Variants in ARMC3 observed in about 807,000 individuals in gnomAD.
ARMC3 encodes the protein armadillo repeat-containing protein 3.
ARMC3 carries 74 observed loss-of-function variants against 90.3 expected under a neutral mutation model. The observed-to-expected ratio is 0.82, with a 90% CI of 0.68 to 0.99. The LOEUF is 0.99. Ranked by LOEUF, ARMC3 falls within the 50% of genes least tolerant of loss-of-function variation. ARMC3 has a pLI of 0.00. For synonymous variants in ARMC3, 334 were observed against 361.8 expected (o/e 0.92, Z 0.87); for missense variants, 958 against 1,042.8 (o/e 0.92, Z 1.12).
In ARMC3 at chr10:23,003,359, C is replaced by G. The variant is rs780301117; in HGVS notation, c.1676C>G (p.Thr559Ser). 32 of 1,612,574 alleles carry G rather than the reference C, an allele frequency of 2.0e-5. No individual in the cohort carries two copies. The highest frequency in any genetic ancestry group is 2.5e-5 in the Non-Finnish European group (30 of 1,179,388). ...AATCTTTCCCTGAAATACAGCCAGA[C>G]TGGCTATTTGTCATCAAGTAACATA... ...NNNLSLKYSQ[T>S]GYLSSSNIIN... The change falls in exon 13 of 19, where the codon ACT becomes AGT. Residue 559 changes from threonine (T) to serine (S), a missense_variant. By Grantham distance (58) the Thr-to-Ser change is moderately conservative. Coordinates refer to ENST00000298032, the MANE Select transcript of ARMC3 (RefSeq NM_173081.5).
At chr10:22,938,460 G>A (rs773455521) in intron 2 of ARMC3, among the ~76,000 whole-genome samples, 2 of 152,204 alleles carry the variant, frequency 1.3e-5, no homozygotes, top group Admixed American at 6.5e-5. Flanking sequence ...AAATAAGATC[G>A]TTCTAGCTAC....
chr10:22,967,806 T>G (rs1835505111), intron 7 of ARMC3, among the ~76,000 whole-genome samples: 1 of 152,248 alleles, frequency 6.6e-6, no homozygotes, highest in African/African-American at 2.4e-5. Context: ...CATTTCTCAC[T>G]TTTGGGATTT....
chr10:22,998,270 T>C lies in ARMC3; in HGVS notation c.1298T>C (p.Leu433Pro). 2 of 1,612,428 alleles carry C rather than the reference T, an allele frequency of 1.2e-6. No homozygotes were observed. The highest frequency in any genetic ancestry group is 1.7e-6 in the Non-Finnish European group (2 of 1,179,150). The change falls in exon 11 of 19, where the codon CTG becomes CCG. Residue 433 changes from leucine to proline, a missense_variant. Transcript: ENST00000298032. ...TNMAMQEPLRLNIQNHDIMHA... is the reference protein window; with the variant it reads ...TNMAMQEPLRPNIQNHDIMHA... ...ATGGCCATGCAGGAGCCCCTGCGCC[T>C]GAACATACAGAATCACGACATCATG... is the stretch of plus-strand genomic sequence containing the variant.
intron 10 of ARMC3, chr10:22,997,334 C>G (rs907658233): frequency 1.1e-4 from 17 of 152,102 alleles, no homozygotes; most frequent in African/African-American, 3.9e-4. Context: ...GGGAGACTGC[C>G]CGGGAAAACC....
At chr10:22,939,233 C>T (rs1320031233) in intron 2 of ARMC3, among the ~76,000 whole-genome samples, 1 of 152,134 alleles carries the variant, frequency 6.6e-6, no homozygotes, top group Non-Finnish European at 1.5e-5. Flanking sequence ...TAGGTGGCTG[C>T]AGTTTGCAGG....
At chr10:23,014,293 T>C (rs1396071247) in intron 16 of ARMC3, 37 of 1,454,468 alleles carry the variant, frequency 2.5e-5, no homozygotes, top group Non-Finnish European at 3.4e-5. Flanking sequence ...TGCCTGACCA[T>C]CACCTAGCAC....
rs1368154458 is a variant in ARMC3, at chr10:22,964,850, C to T, written c.732+2772C>T. Among the ~76,000 whole-genome samples, 6 of 151,406 alleles carry T rather than the reference C, an allele frequency of 4.0e-5. No homozygotes were observed. In the East Asian group the frequency reaches 5.9e-4, roughly 15 times the overall value. ...AGTGGTTGCTGTAGTGATTACAATACGCAACTTAACTTTAACTTATAATAG... is the reference window on the plus strand; with the variant it reads ...AGTGGTTGCTGTAGTGATTACAATATGCAACTTAACTTTAACTTATAATAG... On this transcript the variant is annotated intron_variant, in intron 7 of 18. Transcript: ENST00000298032.
At chr10:23,004,302 A>C (rs1020694020) in intron 13 of ARMC3, among the ~76,000 whole-genome samples, 5 of 152,198 alleles carry the variant, frequency 3.3e-5, no homozygotes, top group Non-Finnish European at 7.3e-5. Flanking sequence ...GAATGGGGAA[A>C]ATGTTAAAAA....
At chr10:22,942,846 T>C (rs1392286570) in intron 2 of ARMC3, among the ~76,000 whole-genome samples, 2 of 152,194 alleles carry the variant, frequency 1.3e-5, no homozygotes, top group Non-Finnish European at 2.9e-5. Flanking sequence ...ACTGGTATAT[T>C]TATATACTGG....
intron 2 of ARMC3, among the ~76,000 whole-genome samples, chr10:22,940,354 C>A (rs998401446): frequency 3.3e-5 from 5 of 152,294 alleles, no homozygotes; most frequent in African/African-American, 1.2e-4. Flanking sequence ...TACCTATATG[C>A]TGAAAACTAT....
chr10:22,985,585 C>T (rs1396165900), intron 10 of ARMC3, among the ~76,000 whole-genome samples: 1 of 152,112 alleles, frequency 6.6e-6, no homozygotes, highest in African/African-American at 2.4e-5. Flanking sequence ...GGCCTGATGC[C>T]TCTTTGGTAT....
In ARMC3 at chr10:23,030,460, C is replaced by A. The variant is rs889696934; in HGVS notation, c.2046-136C>A. 123 of 1,413,278 alleles carry A rather than the reference C, an allele frequency of 8.7e-5. 1 individual carries two copies. The South Asian group carries it at 1.4e-3, about 16-fold the overall frequency. 87.5% of individuals were successfully genotyped at this position (1,413,278 alleles called of 1,614,324 possible). On this transcript the variant is annotated intron_variant, in intron 16 of 18. Transcript: ENST00000298032. The stretch of plus-strand genomic sequence containing the variant: ...AAAAAAAATCCACATATAAGTGGAT[C>A]CACACAGTTCAATCTCATGTTGCTC...
intron 2 of ARMC3, among the ~76,000 whole-genome samples, chr10:22,938,447 A>T (rs1834197613): frequency 1.3e-5 from 2 of 152,240 alleles, no homozygotes; most frequent in Non-Finnish European, 2.9e-5. Context: ...TATTTAAAAT[A>T]AAAAATAAGA....
Position 22,959,564 on chromosome 10 carries a change from A to G in ARMC3, c.527A>G (p.Asn176Ser), listed in dbSNP as rs201949974. The G allele has an allele frequency of 8.8e-6, 14 of 1,599,848 alleles. No homozygotes were observed. The highest frequency in any genetic ancestry group is 1.2e-5 in the Non-Finnish European group (14 of 1,176,316). The change falls in exon 6 of 19, where the codon AAC (asparagine) becomes AGC (serine). Residue 176 changes from asparagine (N) to serine (S), a missense_variant. Asn to Ser is a conservative substitution (Grantham distance 46). Coordinates refer to ENST00000298032, the MANE Select transcript of ARMC3 (RefSeq NM_173081.5). ...AAGAACTCTATGGAATGCATTTACA[A>G]CTTGGTGCAGGTAAGATTAATTTCT... ...VKKNSMECIY[N>S]LVQDFQCRAK...
chr10:23,032,771 T>C (rs1419795072), intron 17 of ARMC3, 90 bp from the exon 18 acceptor site: 9 of 1,287,734 alleles, frequency 7.0e-6, no homozygotes, highest in Non-Finnish European at 9.6e-6. Flanking sequence ...AAATGTCATT[T>C]TTACATGTAT....
intron 2 of ARMC3, among the ~76,000 whole-genome samples, chr10:22,933,999 A>C (rs1436379979): frequency 6.6e-6 from 1 of 152,218 alleles, no homozygotes; most frequent in African/African-American, 2.4e-5. Flanking sequence ...GTATGCCACA[A>C]TTTACAGTAT....
intron 16 of ARMC3, among the ~76,000 whole-genome samples, chr10:23,018,161 C>A (rs1354555824): frequency 2.6e-5 from 4 of 152,206 alleles, no homozygotes; most frequent in Non-Finnish European, 5.9e-5. Flanking sequence ...TTAGAAACAG[C>A]ATTGTGCTCC....
At chr10:22,951,791 A>G (rs1222243869) in intron 3 of ARMC3, among the ~76,000 whole-genome samples, 1 of 152,228 alleles carries the variant, frequency 6.6e-6, no homozygotes, top group Admixed American at 6.5e-5. Context: ...GAAAACAAGG[A>G]AAGTCTCAAA....
chr10:22,950,067 A>G (rs931294712), intron 3 of ARMC3, among the ~76,000 whole-genome samples: 5 of 149,878 alleles, frequency 3.3e-5, no homozygotes, highest in African/African-American at 5.1e-5. Context: ...TAGGTGAAAT[A>G]ATGTTTTTTT....
Sources: allele counts gnomAD v4.1 joint callset (sites outside exome capture counted in the v4.1 genomes callset), GRCh38; gene constraint gnomAD v4.1.1; transcripts MANE v1.5; gene names NCBI Gene and HGNC (gene_info 2026-07-23, HGNC 2026-07-21).